CDH12: variants seen among roughly 807,000 people sequenced by gnomAD.
CDH12 encodes the protein cadherin-12.
A neutral mutation model predicts 74.1 loss-of-function variants in CDH12; 41 were observed. The observed-to-expected ratio is 0.55, with a 90% CI of 0.43 to 0.72. CDH12 has a LOEUF of 0.72. CDH12 is among the 30% of genes least tolerant of loss of function. CDH12 has a pLI of 0.00. For missense variants in CDH12, 945 were observed against 977.2 expected (o/e 0.97, Z 0.44); for synonymous variants, 399 against 355.0 (o/e 1.12, Z -1.39).
rs547686604 is a variant in CDH12 at position 22,466,005 on chromosome 5, A to G, written c.-428+39265T>C. On this transcript the variant is annotated intron_variant, in intron 2 of 14. Transcript: ENST00000382254. Reference sequence around the variant, plus strand: ...CATCATAAGATTAGGGTTCCTTCCCATGGGTTACAGGATCTCAATAATCAG... The same window carrying G: ...CATCATAAGATTAGGGTTCCTTCCCGTGGGTTACAGGATCTCAATAATCAG... 2.0e-5 allele frequency among the ~76,000 whole-genome samples: 3 copies of G among 152,244 alleles called. No individual in the cohort carries two copies. In the South Asian group the frequency reaches 6.2e-4, roughly 32 times the overall value.
chr5:22,249,228 G>A (rs1753057160), intron 3 of CDH12, among the ~76,000 whole-genome samples: 1 of 152,120 alleles, frequency 6.6e-6, no homozygotes, highest in Admixed American at 6.5e-5. Context: ...GAGCCATAGG[G>A]TTCTTCCCTG....
chr5:21,883,659 C>T lies in CDH12; in HGVS notation c.527-28869G>A. ...CATTGTGACCAAAGACGATGCCATG[C>T]TCTTAAAAGGAAAAGGTGACAAGGC... On this transcript the variant is annotated intron_variant, in intron 6 of 14. Transcript: ENST00000382254. 4 of 1,611,976 alleles carry T rather than the reference C, an allele frequency of 2.5e-6. No individual in the cohort carries two copies. The South Asian group carries it at 4.4e-5, about 18-fold the overall frequency.
At chr5:22,062,033 A>G (rs1489909903) in intron 5 of CDH12, among the ~76,000 whole-genome samples, 1 of 152,182 alleles carries the variant, frequency 6.6e-6, no homozygotes, top group Non-Finnish European at 1.5e-5. Context: ...AGGTTAGAAC[A>G]GCAGGAGGAG....
At chr5:22,846,077 C>T (rs1168652609) in intron 1 of CDH12, among the ~76,000 whole-genome samples, 2 of 151,930 alleles carry the variant, frequency 1.3e-5, no homozygotes, top group African/African-American at 4.8e-5. Flanking sequence ...GATATTGTAC[C>T]ACATGTGGGT....
At chr5:22,366,850 G>A (rs187596806) in intron 3 of CDH12, among the ~76,000 whole-genome samples, 1 of 152,282 alleles carries the variant, frequency 6.6e-6, no homozygotes, top group East Asian at 1.9e-4. Flanking sequence ...CCTGTACTGA[G>A]TATAATCTTG....
chr5:22,587,338 C>T lies in CDH12; in HGVS notation c.-522-81974G>A, dbSNP rs183955524. Among the ~76,000 whole-genome samples the T allele has an allele frequency of 1.5e-4, 23 of 152,142 alleles. No homozygotes were observed. The East Asian group carries it at 3.5e-3, about 23-fold the overall frequency. ...CTCGACCTTGGCCTTCCCAGAACAC[C>T]ATAAGAATAAACCTCCGTTCTTTAT... On this transcript the variant is annotated intron_variant, in intron 1 of 14. Transcript: ENST00000382254.
chr5:21,917,778 A>T (rs1754168321), intron 6 of CDH12, among the ~76,000 whole-genome samples: 1 of 152,178 alleles, frequency 6.6e-6, no homozygotes, highest in African/African-American at 2.4e-5. Flanking sequence ...CAGAAAATAG[A>T]TAGTAATGCA....
intron 3 of CDH12, among the ~76,000 whole-genome samples, chr5:22,301,889 A>G (rs1275733283): frequency 6.6e-6 from 1 of 151,356 alleles, no homozygotes; most frequent in African/African-American, 2.4e-5. Flanking sequence ...GGCTGCTCTC[A>G]AACTCCTGAG....
chr5:22,814,405 G>A (rs1316787476), intron 1 of CDH12, among the ~76,000 whole-genome samples: 3 of 151,952 alleles, frequency 2.0e-5, no homozygotes, highest in African/African-American at 4.8e-5. Flanking sequence ...ATCATTGTAG[G>A]AACAAAGATA....
At chr5:22,351,863 T>C (rs1236725652) in intron 3 of CDH12, among the ~76,000 whole-genome samples, 3 of 152,210 alleles carry the variant, frequency 2.0e-5, no homozygotes, top group Non-Finnish European at 2.9e-5. Context: ...CAAATAGCAT[T>C]TTTTCTTACT....
chr5:22,066,887 A>G (rs2150211937), intron 5 of CDH12, among the ~76,000 whole-genome samples: 1 of 152,230 alleles, frequency 6.6e-6, no homozygotes, highest in East Asian at 1.9e-4. Flanking sequence ...TCAGGTGGTG[A>G]CTCCAACTGC....
At chr5:22,262,962 A>T (rs898241569) in intron 3 of CDH12, among the ~76,000 whole-genome samples, 14 of 151,924 alleles carry the variant, frequency 9.2e-5, no homozygotes, top group African/African-American at 3.4e-4. Flanking sequence ...AATATCCAGA[A>T]TCTACAATGA....
At chr5:22,046,850 C>G (rs1739990469) in intron 5 of CDH12, among the ~76,000 whole-genome samples, 1 of 152,228 alleles carries the variant, frequency 6.6e-6, no homozygotes, top group East Asian at 1.9e-4. Context: ...AACTGGTGAG[C>G]ATCTCGTCAT....
chr5:21,958,401 G>A (rs1756196403), intron 6 of CDH12, among the ~76,000 whole-genome samples: 1 of 152,082 alleles, frequency 6.6e-6, no homozygotes, highest in Non-Finnish European at 1.5e-5. Context: ...TGCCTAGGTT[G>A]TCTTCCAGGG....
chr5:22,405,560 A>T (rs77750816), intron 2 of CDH12, among the ~76,000 whole-genome samples: 2,346 of 152,298 alleles, frequency 0.015, 30 homozygotes, highest in Middle Eastern at 0.061. Context: ...AAAATAAAAA[A>T]GCCCACATCC....
intron 6 of CDH12, among the ~76,000 whole-genome samples, chr5:21,877,836 T>C (rs974845818): frequency 1.3e-5 from 2 of 152,190 alleles, no homozygotes; most frequent in African/African-American, 4.8e-5. Flanking sequence ...CATTACCAGA[T>C]AGAGCATGAG....
chr5:22,084,704 C>T (rs1427463468), intron 4 of CDH12, among the ~76,000 whole-genome samples: 1 of 152,142 alleles, frequency 6.6e-6, no homozygotes, highest in East Asian at 1.9e-4. Flanking sequence ...GGATGCTGCT[C>T]CCAGCAGATC....
intron 1 of CDH12, among the ~76,000 whole-genome samples, chr5:22,531,274 A>T (rs1047942617): frequency 2.0e-5 from 3 of 152,118 alleles, no homozygotes; most frequent in African/African-American, 7.2e-5. Context: ...TAGAGAGGAG[A>T]TTAGAGTTTT....
At chr5:22,689,475 G>A (rs1741971804) in intron 1 of CDH12, among the ~76,000 whole-genome samples, 1 of 152,112 alleles carries the variant, frequency 6.6e-6, no homozygotes, top group African/African-American at 2.4e-5. Flanking sequence ...CAGTGAAAGT[G>A]TTACAAATAG....
Sources: gnomAD v4.1 joint callset for allele counts (sites outside exome capture counted in the v4.1 genomes callset) on GRCh38, gnomAD v4.1.1 for gene constraint, MANE v1.5 for transcripts, NCBI Gene and HGNC (gene_info 2026-07-23, HGNC 2026-07-21) for gene names.